Variants in CYP51A1 observed in about 807,000 individuals in gnomAD.
CYP51A1 encodes lanosterol 14-alpha demethylase.
A neutral mutation model predicts 53.5 loss-of-function variants in CYP51A1; 45 were observed. The observed-to-expected ratio is 0.84, with a 90% confidence interval of 0.66 to 1.08. The LOEUF (loss-of-function observed/expected upper bound fraction) is 1.08. Among genes scored for constraint, CYP51A1 ranks in the 50% least tolerant of loss-of-function variants. The pLI, the probability that CYP51A1 is intolerant of heterozygous loss-of-function variation, is 0.00. For missense variants in CYP51A1, 462 were observed against 621.7 expected, an observed-to-expected ratio of 0.74 and a Z score of 2.73; for synonymous variants, 181 against 217.7, an observed-to-expected ratio of 0.83 and a Z score of 1.48.
chr7:92,116,921 G>T, intron 9 of CYP51A1, 123 bp downstream of exon 9: 1 of 891,474 alleles, frequency 1.1e-6, no homozygotes, highest in Non-Finnish European at 1.6e-6. Flanking sequence ...TCCTAAAAAA[G>T]TTTGCAAAAA....
chr7:92,127,739 T>C (rs1168381492), intron 3 of CYP51A1, 108 bp from the exon 4 acceptor site: 11 of 1,138,762 alleles, frequency 9.7e-6, no homozygotes, highest in Non-Finnish European at 1.2e-5. Flanking sequence ...AGTAATGGTT[T>C]TAACCCTTTG....
intron 6 of CYP51A1, 108 bp downstream of exon 6, chr7:92,123,626 C>T (rs1819736082): frequency 1.9e-6 from 2 of 1,079,268 alleles, no homozygotes. Context: ...TCACAGCTAC[C>T]AACTTATTTT....
Position 92,124,185 on chromosome 7 carries a change from G to A in CYP51A1, c.771-332C>T, listed in dbSNP as rs114227417. On this transcript the variant is annotated intron_variant, in intron 5 of 9. Transcript: ENST00000003100. The stretch of plus-strand genomic sequence containing the variant: ...TATTTTCCAGTTCAACAGAAAGTAG[G>A]ATACTCTTTTAAATTAACATAAAAT... Among the ~76,000 whole-genome samples, 1,468 of 152,262 alleles carry A rather than the reference G, an allele frequency of 9.6e-3. 30 individuals carry two copies. The highest frequency in any genetic ancestry group is 0.034 in the African/African-American group (1,399 of 41,546).
Position 92,129,057 on chromosome 7 carries a change from C to T in CYP51A1, c.292-1G>A. The T allele has an allele frequency of 6.2e-7, 1 of 1,603,684 alleles. No individual in the cohort carries two copies. Among genetic ancestry groups the T allele is most frequent in the African/African-American group, 1.3e-5 (1 of 74,386 alleles). On this transcript the variant is annotated splice_acceptor_variant, in intron 2 of 9. Coordinates refer to ENST00000003100, the MANE Select transcript of CYP51A1 (RefSeq NM_000786.4). LOFTEE classifies it high-confidence loss of function. ...TGGTAAAACTAAATACAGGTCCATA[C>T]TAAAAAGAGAAAAGTACATATAGTG...
At chr7:92,134,526 C>G, upstream of CYP51A1, 1 of 679,952 alleles carries the variant, frequency 1.5e-6, no homozygotes, top group African/African-American at 1.8e-5. Context: ...CCGTGCGTCA[C>G]AGAATGGGGC....
Position 92,125,493 on chromosome 7 carries a change from C to T in CYP51A1, c.770+760G>A, listed in dbSNP as rs568800772. Among the ~76,000 whole-genome samples the T allele has an allele frequency of 2.0e-5, 3 of 152,318 alleles. No individual in the cohort carries two copies. The East Asian group carries it at 5.8e-4, about 29-fold the overall frequency. ...CTAAGCACTAAGCTATAGATCAAGT[C>T]CTAAGAGCAATATTTCTTTATATCA... On this transcript the variant is annotated intron_variant, in intron 5 of 9. Transcript: ENST00000003100.
At chr7:92,127,721 C>T in intron 3 of CYP51A1, 90 bp from the exon 4 acceptor site, 1 of 1,288,794 alleles carries the variant, frequency 7.8e-7, no homozygotes, top group Non-Finnish European at 1.1e-6. Flanking sequence ...TTATGTAACA[C>T]TAACACAAGT....
At position 92,113,762 on chromosome 7, in the gene CYP51A1, A is replaced by G; in HGVS notation, c.1433T>C (p.Phe478Ser). 6.2e-7 allele frequency: 1 copy of G among 1,613,418 alleles called. No individual in the cohort carries two copies. Among genetic ancestry groups the G allele is most frequent in the Non-Finnish European group, 8.5e-7 (1 of 1,179,620 alleles). The change falls in exon 10 of 10, where the codon TTT (phenylalanine) becomes TCT (serine). Residue 478 changes from phenylalanine to serine, a missense_variant. Transcript: ENST00000003100. ...GGGAAAGTATCCATCAATGAGATCAAATTCATATAAACGAAGCATAGTGGA... is the reference window on the plus strand; with the variant it reads ...GGGAAAGTATCCATCAATGAGATCAGATTCATATAAACGAAGCATAGTGGA... ...IWSTMLRLYE[F>S]DLIDGYFPTV... is the part of the protein sequence containing the mutation.
chr7:92,120,606 A>G (rs1190072225), intron 7 of CYP51A1, among the ~76,000 whole-genome samples: 1 of 152,184 alleles, frequency 6.6e-6, no homozygotes, highest in Non-Finnish European at 1.5e-5. Context: ...TTTTTTACAA[A>G]GACAATTCAA....
Position 92,134,273 on chromosome 7 carries a change from T to C in CYP51A1, c.92A>G (p.Asn31Ser), listed in dbSNP as rs1819995143. ...GQAMEKVTGG[N>S]LLSMLLIACA... is the part of the protein sequence containing the mutation. ...GGCGATCAGCAGCATGGACAAGAGGTTGCCGCCTGTCACCTTCTCCATCGC... is the reference window on the plus strand; with the variant it reads ...GGCGATCAGCAGCATGGACAAGAGGCTGCCGCCTGTCACCTTCTCCATCGC... Residue 31 changes from asparagine (N) to serine (S), a missense_variant, in exon 1 of 10, where the codon AAC becomes AGC. Transcript: ENST00000003100. The C allele has an allele frequency of 6.2e-7, 1 of 1,612,386 alleles. No individual in the cohort carries two copies. The highest frequency in any genetic ancestry group is 8.5e-7 in the Non-Finnish European group (1 of 1,179,272).
chr7:92,132,440 T>C (rs746166646), intron 1 of CYP51A1, among the ~76,000 whole-genome samples: 3 of 152,238 alleles, frequency 2.0e-5, no homozygotes, highest in Non-Finnish European at 4.4e-5. Flanking sequence ...TGTGTTTTTT[T>C]ATTTGTATTA....
chr7:92,129,862 A>C (rs1819882550), intron 2 of CYP51A1, among the ~76,000 whole-genome samples: 1 of 152,230 alleles, frequency 6.6e-6, no homozygotes, highest in Non-Finnish European at 1.5e-5. Flanking sequence ...GACCAGAAGA[A>C]TGAGGAGCTG....
At chr7:92,131,668 A>G (rs2130957823) in intron 2 of CYP51A1, 106 bp downstream of exon 2, 3 of 623,960 alleles carry the variant, frequency 4.8e-6, no homozygotes, top group East Asian at 2.8e-5. Flanking sequence ...GAGGATATGT[A>G]TATGATTACA....
At chr7:92,114,545 A>G (rs1819542942) in intron 9 of CYP51A1, among the ~76,000 whole-genome samples, 1 of 152,210 alleles carries the variant, frequency 6.6e-6, no homozygotes, top group Non-Finnish European at 1.5e-5. Context: ...AAGCAAGCCA[A>G]TGAGGAAAAG....
At position 92,118,549 on chromosome 7, in the gene CYP51A1, T is replaced by A. The variant is rs759341868; in HGVS notation, c.1153A>T (p.Ile385Phe). The change falls in exon 8 of 10, where the codon ATC becomes TTC. Residue 385 changes from isoleucine (I) to phenylalanine (F), a missense_variant. By Grantham distance (21) the Ile-to-Phe change is conservative (BLOSUM62 0). Transcript: ENST00000003100. ...ETLRLRPPIM[I>F]MMRMARTPQT... is the part of the protein sequence containing the mutation. ...GGAGTTCTGGCCATTCTCATCATGA[T>A]CATTATAGGAGGTCTAAGTCTTAAT... 1.3e-6 allele frequency: 2 copies of A among 1,596,314 alleles called. No homozygotes were observed. The highest frequency in any genetic ancestry group is 2.2e-5 in the East Asian group (1 of 44,800).
At chr7:92,126,232 T>A (rs2130952008) in intron 5 of CYP51A1, 21 bp downstream of exon 5, 1 of 1,545,372 alleles carries the variant, frequency 6.5e-7, no homozygotes, top group South Asian at 1.2e-5. Context: ...TAACCTAGTG[T>A]AATATATTCT....
chr7:92,117,384 T>A, intron 8 of CYP51A1, 172 bp from the exon 9 acceptor site: 1 of 538,984 alleles, frequency 1.9e-6, no homozygotes, highest in Non-Finnish European at 3.2e-6. Flanking sequence ...ATAAGTTGAA[T>A]CACATAAATC....
chr7:92,125,119 G>C (rs976472402), intron 5 of CYP51A1, among the ~76,000 whole-genome samples: 1 of 149,344 alleles, frequency 6.7e-6, no homozygotes, highest in Non-Finnish European at 1.5e-5. Context: ...ACTCCAGCCT[G>C]GGCGAGAGAG....
chr7:92,118,678 G>C (rs1732573842), intron 7 of CYP51A1, 63 bp from the exon 8 acceptor site: 7 of 958,680 alleles, frequency 7.3e-6, no homozygotes, highest in Non-Finnish European at 1.2e-5. Context: ...CAAAAAATTA[G>C]TTTAACTTCT....
Sources: gnomAD v4.1 joint callset for allele counts (sites outside exome capture counted in the v4.1 genomes callset) on GRCh38, gnomAD v4.1.1 for gene constraint, MANE v1.5 for transcripts, NCBI Gene and HGNC (gene_info 2026-07-23, HGNC 2026-07-21) for gene names.